The following ASTN2 variants were observed in gnomAD, a reference collection of about 807,000 sequenced individuals.
ASTN2 encodes the protein astrotactin-2.
In ASTN2, 54 loss-of-function variants were observed where a neutral mutation model predicts 139.8. The ratio of observed to expected loss-of-function variants is 0.39; its 90% CI spans 0.31 to 0.48. The LOEUF is 0.48. Among genes scored for constraint, ASTN2 ranks in the 20% least tolerant of loss-of-function variants. ASTN2 has a pLI of 0.95. For synonymous variants in ASTN2, 756 were observed against 719.5 expected (o/e 1.05, Z -0.81); for missense variants, 1,565 against 1,725.1 (o/e 0.91, Z 1.64).
At chr9:116,429,631 A>G (rs1286223003) in intron 22 of ASTN2, among the ~76,000 whole-genome samples, 1 of 151,696 alleles carries the variant, frequency 6.6e-6, no homozygotes. Context: ...CACCACCATC[A>G]CTCTCATTGT....
At chr9:116,504,605 C>T (rs574884632) in intron 19 of ASTN2, among the ~76,000 whole-genome samples, 1 of 152,044 alleles carries the variant, frequency 6.6e-6, no homozygotes, top group Non-Finnish European at 1.5e-5. Context: ...TTCAGAATAA[C>T]AGTGACAATT....
rs555347130 is a variant in ASTN2 at position 116,786,417 on chromosome 9, ACAGT to A, written c.2396+19211_2396+19214del. 3.1e-3 allele frequency among the ~76,000 whole-genome samples: 472 copies of A among 152,278 alleles called. 1 individual carries two copies. Among genetic ancestry groups the A allele is most frequent in the Non-Finnish European group, 3.6e-3 (244 of 68,030 alleles). ...ACTATTGTCTTCCTGGTTTCCTAGA[ACAGT>A]CAGTGTCATAGAATAAGTGCTCAAA... is the stretch of plus-strand genomic sequence containing the variant. On this transcript the variant is annotated intron_variant, in intron 13 of 22. Transcript: ENST00000313400.
chr9:117,377,864 G>A (rs752952644), intron 1 of ASTN2, among the ~76,000 whole-genome samples: 6 of 152,024 alleles, frequency 3.9e-5, no homozygotes, highest in African/African-American at 7.2e-5. Context: ...AAATAATAGC[G>A]CAATGATTCT....
At chr9:116,586,833 C>CACACACACACAT (rs1554717108) in intron 19 of ASTN2, among the ~76,000 whole-genome samples, 2,281 of 117,962 alleles carry the variant, frequency 0.019, 57 homozygotes, top group East Asian at 0.058. Context: ...CACATACATA[C>CACACACACACAT]ACACACACAC....
chr9:116,588,190 C>T (rs939776984), intron 19 of ASTN2, among the ~76,000 whole-genome samples: 4 of 152,206 alleles, frequency 2.6e-5, no homozygotes, highest in Admixed American at 6.5e-5. Flanking sequence ...ATTGAAAACC[C>T]ATCCCTCTAA....
At chr9:116,662,199 A>T (rs1554727486) in intron 16 of ASTN2, among the ~76,000 whole-genome samples, 1 of 152,078 alleles carries the variant, frequency 6.6e-6, no homozygotes, top group Non-Finnish European at 1.5e-5. Context: ...GTGACCATAG[A>T]CAAGCTTCTT....
chr9:116,813,628 A>G (rs1831224780), intron 12 of ASTN2, among the ~76,000 whole-genome samples: 1 of 152,156 alleles, frequency 6.6e-6, no homozygotes, highest in Non-Finnish European at 1.5e-5. Flanking sequence ...TTTCTCATGT[A>G]TTTTTTCCTT....
chr9:117,269,844 T>G (rs1164537930), intron 2 of ASTN2, among the ~76,000 whole-genome samples: 2 of 152,220 alleles, frequency 1.3e-5, no homozygotes, highest in Non-Finnish European at 2.9e-5. Context: ...CATGATTTTT[T>G]TCCTCTTTAT....
intron 3 of ASTN2, among the ~76,000 whole-genome samples, chr9:117,142,703 A>G (rs1830103616): frequency 1.3e-5 from 2 of 152,208 alleles, no homozygotes; most frequent in Admixed American, 6.5e-5. Context: ...AAGGAAAAAA[A>G]TAACAGAAAA....
At chr9:116,948,698 A>AGTGTGTGTGT (rs112233837) in intron 10 of ASTN2, among the ~76,000 whole-genome samples, 5 of 135,278 alleles carry the variant, frequency 3.7e-5, no homozygotes, top group Admixed American at 7.7e-5. Context: ...TATATGTGTG[A>AGTGTGTGTGT]GTGTGTGTGT....
intron 11 of ASTN2, among the ~76,000 whole-genome samples, chr9:116,839,900 A>G (rs1419346885): frequency 1.0e-5 from 1 of 97,632 alleles, no homozygotes; most frequent in African/African-American, 3.8e-5. Context: ...TTTTTAATTG[A>G]TCATTCTTGG....
At chr9:116,782,217 T>C (rs996333399) in intron 13 of ASTN2, among the ~76,000 whole-genome samples, 2 of 152,188 alleles carry the variant, frequency 1.3e-5, no homozygotes, top group Non-Finnish European at 2.9e-5. Flanking sequence ...CCACAATCAC[T>C]GTGGAGTTTT....
At position 116,946,321 on chromosome 9, in the gene ASTN2, C is replaced by A. The variant is rs1835393849; in HGVS notation, c.1889+28887G>T. On this transcript the variant is annotated intron_variant, in intron 10 of 22. Transcript: ENST00000313400. ...AGGCTCCCCACTAATTCTTATGGAG[C>A]CTAGTGTGAAAAAATGCAGAGACAT... Among the ~76,000 whole-genome samples the A allele has an allele frequency of 2.0e-5, 3 of 152,236 alleles. No homozygotes were observed. The South Asian group carries it at 6.2e-4, about 32-fold the overall frequency.
chr9:116,699,320 C>G lies in ASTN2; in HGVS notation c.2806+26451G>C, dbSNP rs778620127. The G allele has an allele frequency of 3.7e-6, 6 of 1,614,134 alleles. No individual in the cohort carries two copies. The South Asian group carries it at 5.5e-5, about 15-fold the overall frequency. On this transcript the variant is annotated intron_variant, in intron 16 of 22. Transcript: ENST00000313400. The surrounding 1 kb of genome is among the most constrained non-coding windows in gnomAD (Gnocchi z 4.2). ...TTGTCACCTGTGATGCTGAGGGCAC[C>G]GTCTACTTCACCCAGGGCTTAGGCC... is the stretch of plus-strand genomic sequence containing the variant.
chr9:116,683,483 C>T (rs758690191), intron 16 of ASTN2, among the ~76,000 whole-genome samples: 4 of 152,120 alleles, frequency 2.6e-5, no homozygotes, highest in Non-Finnish European at 5.9e-5. Flanking sequence ...TTTTGTCTTG[C>T]TTTTGTCCTT....
At chr9:117,030,969 G>A (rs988507116) in intron 6 of ASTN2, among the ~76,000 whole-genome samples, 1 of 152,106 alleles carries the variant, frequency 6.6e-6, no homozygotes, top group Admixed American at 6.6e-5. Flanking sequence ...TAGTTATTAA[G>A]TCTGGGTTGG....
rs1193022664 is a variant in ASTN2 at position 116,651,667 on chromosome 9, T to C, written c.2933A>G (p.Glu978Gly). Residue 978 changes from glutamate (E) to glycine (G), a missense_variant, in exon 17 of 23, where the codon GAG becomes GGG. Glu to Gly is a moderately conservative substitution (Grantham distance 98). Around this residue, in one of 4 missense-constraint regions of ASTN2, gnomAD observed 418 missense variants for 465.8 expected, o/e 0.90. Transcript: ENST00000313400. ...QLISGVEIRC[E>G]EKGRCPSTCH... ...GGTAGATGGACAGCGCCCCTTCTCC[T>C]CACAGCGAATCTCCACACCTGAAAT... The C allele has an allele frequency of 1.9e-6, 3 of 1,613,992 alleles. No individual in the cohort carries two copies. Among genetic ancestry groups the C allele is most frequent in the African/African-American group, 1.3e-5 (1 of 74,894 alleles).
intron 11 of ASTN2, among the ~76,000 whole-genome samples, chr9:116,827,837 T>C (rs775697024): frequency 2.0e-4 from 31 of 152,184 alleles, no homozygotes; most frequent in Non-Finnish European, 4.4e-4. Flanking sequence ...CCAATTTTCC[T>C]GAAACAATCC....
intron 5 of ASTN2, among the ~76,000 whole-genome samples, chr9:117,077,372 A>G (rs1286685648): frequency 6.6e-6 from 1 of 152,164 alleles, no homozygotes; most frequent in Non-Finnish European, 1.5e-5. Context: ...GATGTTCACA[A>G]TCTCTACTTC....
Sources: allele counts gnomAD v4.1 joint callset (sites outside exome capture counted in the v4.1 genomes callset), GRCh38; gene constraint gnomAD v4.1.1; regional missense constraint gnomAD v4.1.1; non-coding constraint Gnocchi (gnomAD v3.1); transcripts MANE v1.5; gene names NCBI Gene and HGNC (gene_info 2026-07-23, HGNC 2026-07-21).